Variants in ELF2 observed in about 807,000 individuals in gnomAD.
ELF2 encodes ETS-related transcription factor Elf-2.
A neutral mutation model predicts 54.8 loss-of-function variants in ELF2; 11 were observed. The ratio of observed to expected loss-of-function variants is 0.20; its 90% CI spans 0.13 to 0.33. The LOEUF (loss-of-function observed/expected upper bound fraction) is 0.33, where lower values mean the gene tolerates loss of function less well. ELF2 is among the 10% of genes least tolerant of loss of function. ELF2 has a pLI of 1.00. For missense variants in ELF2, 513 were observed against 703.0 expected (o/e 0.73, Z 3.06); for synonymous variants, 203 against 245.1 (o/e 0.83, Z 1.61).
intron 4 of ELF2, chr4:139,114,893 T>C: frequency 3.7e-6 from 6 of 1,609,798 alleles, no homozygotes; most frequent in South Asian, 3.3e-5. Context: ...GCAGCGATTG[T>C]CCTGTGGGAA....
intron 4 of ELF2, among the ~76,000 whole-genome samples, chr4:139,111,409 C>A (rs72949639): frequency 0.015 from 2,222 of 151,110 alleles, 62 homozygotes; most frequent in African/African-American, 0.051. Flanking sequence ...GGAGCAGTGG[C>A]GCCATCACAG....
intron 4 of ELF2, among the ~76,000 whole-genome samples, chr4:139,106,886 G>C (rs868642666): frequency 2.0e-5 from 3 of 151,460 alleles, no homozygotes; most frequent in African/African-American, 7.3e-5. Flanking sequence ...TCAGATTACA[G>C]GCATGCGCCA....
chr4:139,140,747 C>T (rs1402512608), intron 1 of ELF2, among the ~76,000 whole-genome samples: 3 of 150,710 alleles, frequency 2.0e-5, no homozygotes, highest in Non-Finnish European at 3.0e-5. Context: ...GAGCAAGACC[C>T]TGTCTCAAAA....
intron 4 of ELF2, among the ~76,000 whole-genome samples, chr4:139,123,491 C>T (rs985996072): frequency 3.3e-5 from 5 of 152,084 alleles, no homozygotes; most frequent in African/African-American, 9.7e-5. Context: ...AGATTACATT[C>T]GCTTCCTATT....
intron 4 of ELF2, among the ~76,000 whole-genome samples, chr4:139,113,424 G>A (rs907604045): frequency 6.6e-5 from 10 of 152,178 alleles, no homozygotes; most frequent in East Asian, 5.8e-4. Flanking sequence ...GGGAGGGCGC[G>A]GTGGTGGGTG....
chr4:139,165,990 T>A (rs1235319772), intron 1 of ELF2, among the ~76,000 whole-genome samples: 2 of 152,240 alleles, frequency 1.3e-5, no homozygotes, highest in Non-Finnish European at 2.9e-5. Flanking sequence ...ATAAACTTCA[T>A]CAGATTTTTA....
chr4:139,082,929 GC>G (rs1367070469), intron 4 of ELF2, among the ~76,000 whole-genome samples: 1 of 152,230 alleles, frequency 6.6e-6, no homozygotes, highest in Non-Finnish European at 1.5e-5. Flanking sequence ...CCCTTCCGCT[GC>G]AGCAGTGGCG....
At chr4:139,163,332 A>G (rs979541533) in intron 1 of ELF2, among the ~76,000 whole-genome samples, 4 of 152,128 alleles carry the variant, frequency 2.6e-5, no homozygotes, top group African/African-American at 7.2e-5. Flanking sequence ...AGGTTATTTA[A>G]GGTTATTTTG....
chr4:139,150,633 T>A (rs1739782009), intron 1 of ELF2, among the ~76,000 whole-genome samples: 1 of 151,648 alleles, frequency 6.6e-6, no homozygotes, highest in Non-Finnish European at 1.5e-5. Context: ...GGTGTAGATA[T>A]ACTCAAATAT....
intron 1 of ELF2, among the ~76,000 whole-genome samples, chr4:139,172,734 G>C (rs1259491260): frequency 1.3e-5 from 2 of 151,986 alleles, no homozygotes; most frequent in Non-Finnish European, 2.9e-5. Flanking sequence ...CTATTCTATT[G>C]TATTGTTTTT....
chr4:139,115,195 T>C, intron 4 of ELF2: 4 of 1,611,816 alleles, frequency 2.5e-6, no homozygotes, highest in Non-Finnish European at 2.5e-6. Context: ...CTTGCGGTCA[T>C]ACTTGACGGT....
intron 4 of ELF2, among the ~76,000 whole-genome samples, chr4:139,119,942 T>G (rs532849240): frequency 3.3e-5 from 5 of 152,050 alleles, no homozygotes; most frequent in Admixed American, 1.3e-4. Flanking sequence ...CCCAGCTAAT[T>G]TTTGTATTTT....
intron 3 of ELF2, among the ~76,000 whole-genome samples, chr4:139,128,517 T>G (rs1402931946): frequency 6.6e-6 from 1 of 152,028 alleles, no homozygotes; most frequent in African/African-American, 2.4e-5. Flanking sequence ...CTAAAAATAT[T>G]TTTTTGCTTT....
At chr4:139,149,843 T>C (rs560025596) in intron 1 of ELF2, among the ~76,000 whole-genome samples, 2 of 152,286 alleles carry the variant, frequency 1.3e-5, no homozygotes, top group East Asian at 3.9e-4. Context: ...AAAAATTCAA[T>C]GTATTTCCAG....
intron 1 of ELF2, among the ~76,000 whole-genome samples, chr4:139,164,473 T>C (rs1741526676): frequency 6.6e-6 from 1 of 151,992 alleles, no homozygotes. Flanking sequence ...CCATCTCTAC[T>C]AAAAAATACA....
intron 4 of ELF2, chr4:139,115,245 G>A (rs878981177): frequency 6.2e-7 from 1 of 1,609,276 alleles, no homozygotes; most frequent in African/African-American, 1.3e-5. Context: ...CATCGTCCGC[G>A]CCGCCCGGGC....
intron 2 of ELF2, 88 bp from the exon 3 acceptor site, chr4:139,137,955 A>G: frequency 1.1e-6 from 1 of 922,996 alleles, no homozygotes; most frequent in Non-Finnish European, 1.5e-6. Flanking sequence ...TCTAATTTTA[A>G]CACTTAACTA....
intron 1 of ELF2, among the ~76,000 whole-genome samples, chr4:139,155,886 GAATA>G (rs1365931619): frequency 6.6e-6 from 1 of 151,976 alleles, no homozygotes; most frequent in African/African-American, 2.4e-5. Context: ...CTTACTTTAG[GAATA>G]AATAATTAAT....
chr4:139,080,420 C>T (rs1447445797), intron 4 of ELF2, among the ~76,000 whole-genome samples: 1 of 152,030 alleles, frequency 6.6e-6, no homozygotes, highest in African/African-American at 2.4e-5. Context: ...ATTGAGACTA[C>T]ATATTCCAAT....
Sources: gnomAD v4.1 joint callset for allele counts (sites outside exome capture counted in the v4.1 genomes callset) on GRCh38, gnomAD v4.1.1 for gene constraint, MANE v1.5 for transcripts, NCBI Gene and HGNC (gene_info 2026-07-23, HGNC 2026-07-21) for gene names.